ETV7: variants seen among roughly 807,000 people sequenced by gnomAD.
The protein encoded by ETV7 is transcription factor ETV7.
ETV7 carries 43 observed loss-of-function variants against 39.1 expected under a neutral mutation model. The observed-to-expected ratio is 1.10, with a 90% CI of 0.86 to 1.42. ETV7 has a LOEUF of 1.42. ETV7 is among the 40% of genes most tolerant of loss of function. The probability of loss-of-function intolerance (pLI) is 0.00; values close to 1 mark genes in which losing one functional copy is unlikely to be tolerated. For missense variants in ETV7, 432 were observed against 442.3 expected, an observed-to-expected ratio of 0.98 and a Z score of 0.21; for synonymous variants, 196 against 176.6, an observed-to-expected ratio of 1.11 and a Z score of -0.87.
At chr6:36,355,446 C>T (rs1772312502) in intron 7 of ETV7, among the ~76,000 whole-genome samples, 1 of 150,806 alleles carries the variant, frequency 6.6e-6, no homozygotes, top group Non-Finnish European at 1.5e-5. Context: ...GGCTGGAGTG[C>T]AGTGGCATGA....
Position 36,387,615 on chromosome 6 carries a change from G to A in ETV7, c.-74C>T. The A allele has an allele frequency of 6.4e-7, 1 of 1,570,256 alleles. No homozygotes were observed. Among genetic ancestry groups the A allele is most frequent in the Non-Finnish European group, 8.7e-7 (1 of 1,146,330 alleles). On this transcript the variant is annotated 5_prime_UTR_variant, in exon 1 of 8. Coordinates refer to ENST00000340181, the MANE Select transcript of ETV7 (RefSeq NM_016135.4). The stretch of plus-strand genomic sequence containing the variant: ...CTGGCTGTGGCTGCTGGGGCCCTAG[G>A]CCCGCGCCCCGCAGTCCTCCTCCGC...
Position 36,371,457 on chromosome 6 carries a change from C to G in ETV7, c.537G>C (p.Leu179=), listed in dbSNP as rs1773018451. The G allele has an allele frequency of 6.2e-7, 1 of 1,602,522 alleles. No individual in the cohort carries two copies. The highest frequency in any genetic ancestry group is 1.7e-5 in the Admixed American group (1 of 58,608). Residue 179 remains leucine (L), a synonymous_variant, in exon 5 of 8, where the codon CTG becomes CTC. Coordinates refer to ENST00000340181, the MANE Select transcript of ETV7 (RefSeq NM_016135.4). ...CCTCCTTGCCAGGGGTCCACCTTGC[C>G]AGGCCAGGGTCATCCAGGTGGCCGA... The part of the protein sequence containing the change: ...SNFGHLDDPG[L]ARWTPGKEES...
chr6:36,380,031 G>A (rs149874780), intron 2 of ETV7, among the ~76,000 whole-genome samples: 8 of 152,292 alleles, frequency 5.3e-5, no homozygotes, highest in Middle Eastern at 3.4e-3. Context: ...TCCACACAGG[G>A]CTGTCACAAG....
At chr6:36,366,134 A>G, downstream of ETV7, 1 of 953,758 alleles carries the variant, frequency 1.0e-6, no homozygotes, top group Non-Finnish European at 1.3e-6. Context: ...AGATCGTGCC[A>G]CTGCACTCCA....
At chr6:36,370,112 TCCAAC>T (rs144850352) in intron 5 of ETV7, among the ~76,000 whole-genome samples, 79 of 152,318 alleles carry the variant, frequency 5.2e-4, no homozygotes, top group Non-Finnish European at 1.0e-3. Flanking sequence ...TCTAGTCATT[TCCAAC>T]CCAAAAGCCA....
intron 2 of ETV7, among the ~76,000 whole-genome samples, chr6:36,384,636 T>C (rs1391278640): frequency 6.6e-6 from 1 of 152,126 alleles, no homozygotes; most frequent in African/African-American, 2.4e-5. Flanking sequence ...ACACCTGTCA[T>C]CCCAGCATTT....
At chr6:36,387,425 C>A in intron 1 of ETV7, 111 bp downstream of exon 1, 1 of 1,436,710 alleles carries the variant, frequency 7.0e-7, no homozygotes, top group South Asian at 1.1e-5. Flanking sequence ...GAGAGATTCC[C>A]GCCAGGTAAA....
At chr6:36,387,464 A>G in intron 1 of ETV7, 72 bp downstream of exon 1, 10 of 1,602,444 alleles carry the variant, frequency 6.2e-6, no homozygotes, top group Non-Finnish European at 7.7e-6. Flanking sequence ...TTGGAAATCT[A>G]GGTGGTGAGG....
Position 36,385,524 on chromosome 6 carries a change from C to G in ETV7, c.142+10G>C. On this transcript the variant is annotated intron_variant, in intron 2 of 7. Coordinates refer to ENST00000340181, the MANE Select transcript of ETV7 (RefSeq NM_016135.4). ...TTAAAAACTCAGCTTTTCTCCTCCC[C>G]TCTACTTACGGAGTCTTCCTGGCAG... is the stretch of plus-strand genomic sequence containing the variant. The G allele has an allele frequency of 3.1e-6, 5 of 1,614,210 alleles. No individual in the cohort carries two copies. The highest frequency in any genetic ancestry group is 4.2e-6 in the Non-Finnish European group (5 of 1,180,030).
chr6:36,367,366 C>T (rs1772778144), intron 6 of ETV7, among the ~76,000 whole-genome samples: 1 of 151,986 alleles, frequency 6.6e-6, no homozygotes, highest in African/African-American at 2.4e-5. Flanking sequence ...TCCCTTGAAC[C>T]CAGGAGGCAG....
chr6:36,361,202 G>A (rs1431465066), downstream of ETV7, among the ~76,000 whole-genome samples: 2 of 152,188 alleles, frequency 1.3e-5, no homozygotes, highest in Non-Finnish European at 1.5e-5. Flanking sequence ...AAGTTCTGGG[G>A]CTGTCCCATT....
intron 5 of ETV7, among the ~76,000 whole-genome samples, chr6:36,370,026 G>A (rs1772933433): frequency 6.6e-6 from 1 of 152,146 alleles, no homozygotes; most frequent in African/African-American, 2.4e-5. Flanking sequence ...TAACGATCAA[G>A]TCAGGGTACT....
chr6:36,377,809 A>G (rs2127397650), intron 2 of ETV7, among the ~76,000 whole-genome samples: 1 of 152,244 alleles, frequency 6.6e-6, no homozygotes, highest in Non-Finnish European at 1.5e-5. Context: ...CACCACCAAT[A>G]ACTCTAACGA....
intron 7 of ETV7, among the ~76,000 whole-genome samples, chr6:36,361,172 C>T (rs1261554907): frequency 6.6e-6 from 1 of 152,204 alleles, no homozygotes; most frequent in Non-Finnish European, 1.5e-5. Flanking sequence ...TCAGAACAAC[C>T]TGCTTTAAAC....
chr6:36,368,988 C>T lies in ETV7; in HGVS notation c.748G>A (p.Ala250Thr), dbSNP rs200738569. 2 of 1,614,168 alleles carry T rather than the reference C, an allele frequency of 1.2e-6. No individual in the cohort carries two copies. Among genetic ancestry groups the T allele is most frequent in the East Asian group, 2.2e-5 (1 of 44,876 alleles). ...GGATCCACAACTCGGAAGATCTTGG[C>T]GTCCTTGTCTTCCCACTTGATGTAG... ...EPYIKWEDKDAKIFRVVDPNG... is the reference protein window; with the variant it reads ...EPYIKWEDKDTKIFRVVDPNG... Residue 250 changes from alanine to threonine, a missense_variant, in exon 6 of 8, where the codon GCC (alanine) becomes ACC (threonine). Transcript: ENST00000340181.
At chr6:36,363,315 C>G (rs6457900), downstream of ETV7, among the ~76,000 whole-genome samples, 1 of 80,482 alleles carries the variant, frequency 1.2e-5, no homozygotes, top group South Asian at 4.1e-4. Flanking sequence ...AGGAGTGAAG[C>G]TGCAGACCTT....
chr6:36,366,662 GC>G lies in ETV7; in HGVS notation c.1008del (p.Arg336SerfsTer26). On this transcript the variant is annotated frameshift_variant, in exon 8 of 8. Coordinates refer to ENST00000340181, the MANE Select transcript of ETV7 (RefSeq NM_016135.4). LOFTEE classifies it high-confidence loss of function. ...CCTGCCCCTCACGGAGAGATTTCTG[GC>G]CTCTTGTCCTTGAACTCTATTCTGT... ...EQDRIEFKDK[R>X]PEISP is the part of the protein sequence containing the mutation. 1 of 1,614,112 alleles carries G rather than the reference GC, an allele frequency of 6.2e-7. No individual in the cohort carries two copies. The highest frequency in any genetic ancestry group is 8.5e-7 in the Non-Finnish European group (1 of 1,180,014).
chr6:36,372,445 G>T (rs1773078866), intron 4 of ETV7, among the ~76,000 whole-genome samples: 1 of 152,010 alleles, frequency 6.6e-6, no homozygotes, highest in Admixed American at 6.6e-5. Context: ...CCTGACTTCT[G>T]AAACTCTCTG....
Position 36,371,389 on chromosome 6 carries a change from G to C in ETV7, c.605C>G (p.Thr202Ser), listed in dbSNP as rs143305462. Residue 202 changes from threonine (T) to serine (S), a missense_variant, in exon 5 of 8, where the codon ACC becomes AGC. Thr to Ser is a moderately conservative substitution (Grantham distance 58). Transcript: ENST00000340181. ...CGCGGGGAAGGAACAGACCCCCTGG[G>C]TCCTGCAGCCGAGCTCTGCACAGTG... ...LCHCAELGCR[T>S]QGVCSFPAMP... 1.1e-5 allele frequency: 18 copies of C among 1,602,410 alleles called. No homozygotes were observed. The highest frequency in any genetic ancestry group is 2.2e-5 in the South Asian group (2 of 89,192).
Sources: allele counts gnomAD v4.1 joint callset (sites outside exome capture counted in the v4.1 genomes callset), GRCh38; gene constraint gnomAD v4.1.1; transcripts MANE v1.5; gene names NCBI Gene and HGNC (gene_info 2026-07-23, HGNC 2026-07-21).